Variants in ERBB4 observed in about 807,000 individuals in gnomAD.
The protein encoded by ERBB4 is receptor tyrosine-protein kinase erbB-4.
A neutral mutation model predicts 158.0 loss-of-function variants in ERBB4; 42 were observed. The ratio of observed to expected loss-of-function variants is 0.27; its 90% CI spans 0.21 to 0.34. The LOEUF (loss-of-function observed/expected upper bound fraction) is 0.34, where lower values mean the gene tolerates loss of function less well. ERBB4 is among the 10% of genes least tolerant of loss of function. The pLI is 1.00. For synonymous variants in ERBB4, 583 were observed against 558.7 expected (o/e 1.04, Z -0.61); for missense variants, 1,333 against 1,624.1 (o/e 0.82, Z 3.08).
At chr2:212,519,327 T>A (rs1037789165) in intron 1 of ERBB4, among the ~76,000 whole-genome samples, 2 of 152,032 alleles carry the variant, frequency 1.3e-5, no homozygotes, top group African/African-American at 4.8e-5. Flanking sequence ...TTATGTAATA[T>A]AAATACACTA....
chr2:212,471,589 A>G (rs1213543548), intron 1 of ERBB4, among the ~76,000 whole-genome samples: 1 of 151,906 alleles, frequency 6.6e-6, no homozygotes, highest in African/African-American at 2.4e-5. Context: ...AACCTAGCTT[A>G]TTTTAGTGGA....
At chr2:212,425,214 C>G (rs1430785908) in intron 1 of ERBB4, among the ~76,000 whole-genome samples, 1 of 150,376 alleles carries the variant, frequency 6.6e-6, no homozygotes, top group Non-Finnish European at 1.5e-5. Flanking sequence ...AAACTTTAGT[C>G]TGACAATATT....
intron 1 of ERBB4, among the ~76,000 whole-genome samples, chr2:212,351,812 T>A (rs2089265197): frequency 1.3e-5 from 2 of 152,196 alleles, no homozygotes; most frequent in Admixed American, 1.3e-4. Flanking sequence ...ATAATCATGT[T>A]GCTAAGGTCA....
intron 1 of ERBB4, among the ~76,000 whole-genome samples, chr2:212,249,309 A>ATG (rs1322463678): frequency 1.3e-5 from 2 of 151,928 alleles, no homozygotes; most frequent in Non-Finnish European, 2.9e-5. Flanking sequence ...ATGTATGTAT[A>ATG]TGTGTGTATG....
chr2:211,500,405 C>T (rs1219072266), intron 20 of ERBB4, among the ~76,000 whole-genome samples: 1 of 152,004 alleles, frequency 6.6e-6, no homozygotes, highest in East Asian at 1.9e-4. Flanking sequence ...TAAAATAGGT[C>T]ATTTGATTGA....
At chr2:211,415,107 C>CTTTTTTTTTTTTTTT (rs71047175) in intron 25 of ERBB4, among the ~76,000 whole-genome samples, 2 of 72,506 alleles carry the variant, frequency 2.8e-5, no homozygotes, top group African/African-American at 1.1e-4. Flanking sequence ...CTTACATTTT[C>CTTTTTTTTTTTTTTT]TTTTTTTTTT....
At position 211,376,385 on chromosome 2, in the gene ERBB4, C is replaced by T; in HGVS notation, c.*7230G>A. The T allele has an allele frequency of 8.6e-6, 2 of 232,922 alleles. No individual in the cohort carries two copies. Among genetic ancestry groups the T allele is most frequent in the Non-Finnish European group, 1.7e-5 (2 of 117,554 alleles). 14.4% of individuals were successfully genotyped at this position (232,922 alleles called of 1,614,324 possible). A position where few individuals can be genotyped will look rare whatever the true frequency, so the allele number is the denominator to read the frequency against. ...TATTTACAAATGCAACTAGCCATGT[C>T]TTTAACAAGCTATAAAAATACTATT... On this transcript the variant is annotated 3_prime_UTR_variant, in exon 28 of 28. Coordinates refer to ENST00000342788, the MANE Select transcript of ERBB4 (RefSeq NM_005235.3).
At chr2:212,371,347 C>G (rs2090078394) in intron 1 of ERBB4, among the ~76,000 whole-genome samples, 1 of 152,226 alleles carries the variant, frequency 6.6e-6, no homozygotes, top group Non-Finnish European at 1.5e-5. Flanking sequence ...AATACTCTAT[C>G]TAAACATATC....
intron 1 of ERBB4, among the ~76,000 whole-genome samples, chr2:212,460,071 G>C (rs1266850594): frequency 1.3e-5 from 2 of 152,118 alleles, no homozygotes; most frequent in Non-Finnish European, 2.9e-5. Flanking sequence ...TTTAAAAAGA[G>C]TAATTCCCCT....
At chr2:212,254,675 C>T (rs1401964711) in intron 1 of ERBB4, among the ~76,000 whole-genome samples, 1 of 152,112 alleles carries the variant, frequency 6.6e-6, no homozygotes, top group Non-Finnish European at 1.5e-5. Flanking sequence ...GACAGCATGC[C>T]ACTGATGGGA....
chr2:211,844,990 C>T (rs2077556460), intron 3 of ERBB4, among the ~76,000 whole-genome samples: 1 of 152,088 alleles, frequency 6.6e-6, no homozygotes, highest in Admixed American at 6.6e-5. Context: ...CCATGGAAGT[C>T]ATGATGGTGT....
intron 3 of ERBB4, among the ~76,000 whole-genome samples, chr2:211,944,325 G>A (rs189153587): frequency 3.1e-4 from 47 of 150,060 alleles, no homozygotes; most frequent in African/African-American, 9.8e-4. Context: ...TTACCCTGTC[G>A]AAAGTACTTA....
At chr2:211,957,055 C>T (rs1469143118) in intron 2 of ERBB4, among the ~76,000 whole-genome samples, 1 of 151,888 alleles carries the variant, frequency 6.6e-6, no homozygotes, top group African/African-American at 2.4e-5. Flanking sequence ...GTTTTGAACT[C>T]CTCGCCTCAA....
chr2:212,177,575 A>G (rs573504683), intron 1 of ERBB4, among the ~76,000 whole-genome samples: 6 of 152,008 alleles, frequency 3.9e-5, no homozygotes, highest in African/African-American at 1.4e-4. Flanking sequence ...TTTTCCCTTA[A>G]TACAAGCTCA....
intron 1 of ERBB4, among the ~76,000 whole-genome samples, chr2:212,322,897 T>C (rs1490550666): frequency 6.7e-6 from 1 of 149,764 alleles, no homozygotes; most frequent in Non-Finnish European, 1.5e-5. Flanking sequence ...CAGAACTAAT[T>C]CCTTGCTAAT....
intron 1 of ERBB4, among the ~76,000 whole-genome samples, chr2:212,233,970 T>TTATTATTAC: frequency 1.5e-5 from 1 of 66,726 alleles, no homozygotes; most frequent in Admixed American, 1.1e-4. Flanking sequence ...TTATTTATTA[T>TTATTATTAC]TATTATTATT....
chr2:211,893,051 A>G (rs967680158), intron 3 of ERBB4, among the ~76,000 whole-genome samples: 4 of 148,300 alleles, frequency 2.7e-5, no homozygotes, highest in Non-Finnish European at 5.9e-5. Context: ...CAGAATTGGA[A>G]AAAACTACTT....
At chr2:211,814,832 T>C (rs1208500557) in intron 3 of ERBB4, among the ~76,000 whole-genome samples, 1 of 152,182 alleles carries the variant, frequency 6.6e-6, no homozygotes, top group Non-Finnish European at 1.5e-5. Context: ...AGTGTCATAG[T>C]ACAATGATAG....
chr2:211,856,473 C>A (rs1290704380), intron 3 of ERBB4, among the ~76,000 whole-genome samples: 3 of 151,866 alleles, frequency 2.0e-5, no homozygotes, highest in African/African-American at 7.3e-5. Flanking sequence ...GCAAGCTCTG[C>A]CTCCCGGGTT....
Sources: allele counts gnomAD v4.1 joint callset (sites outside exome capture counted in the v4.1 genomes callset), GRCh38; gene constraint gnomAD v4.1.1; transcripts MANE v1.5; gene names NCBI Gene and HGNC (gene_info 2026-07-23, HGNC 2026-07-21).